Variants in CBL observed in about 807,000 individuals in gnomAD.
The protein encoded by CBL is Cbl proto-oncogene, also known as E3 ubiquitin-protein ligase CBL.
A neutral mutation model predicts 96.9 loss-of-function variants in CBL; 45 were observed. The observed-to-expected ratio is 0.46, with a 90% CI of 0.37 to 0.60. The LOEUF is 0.60. Ranked by LOEUF, CBL falls within the 20% of genes least tolerant of loss-of-function variation. CBL has a pLI of 0.00. For missense variants in CBL, 1,024 were observed against 1,143.5 expected, an observed-to-expected ratio of 0.90 and a Z score of 1.51; for synonymous variants, 420 against 426.8, an observed-to-expected ratio of 0.98 and a Z score of 0.20.
At chr11:119,264,433 CTTCTCTTCT>C (rs779410765) in intron 2 of CBL, among the ~76,000 whole-genome samples, 7,043 of 101,976 alleles carry the variant, frequency 0.069, 224 homozygotes, top group East Asian at 0.15. Flanking sequence ...CTTCTCTTCT[CTTCTCTTCT>C]TTCTCTTCTC....
At chr11:119,269,827 C>G (rs1949829616) in intron 2 of CBL, among the ~76,000 whole-genome samples, 1 of 152,036 alleles carries the variant, frequency 6.6e-6, no homozygotes, top group South Asian at 2.1e-4. Flanking sequence ...AACCCCATCT[C>G]TGCTAAAAAT....
At chr11:119,298,081 G>A (rs1296821645) in intron 14 of CBL, among the ~76,000 whole-genome samples, 1 of 152,214 alleles carries the variant, frequency 6.6e-6, no homozygotes, top group Non-Finnish European at 1.5e-5. Flanking sequence ...TTTATTGAAT[G>A]ATCTGAGATG....
chr11:119,283,093 T>G (rs1419763498), intron 9 of CBL, among the ~76,000 whole-genome samples: 1 of 152,190 alleles, frequency 6.6e-6, no homozygotes, highest in Non-Finnish European at 1.5e-5. Context: ...AGACCCTGTC[T>G]CCCATAAATA....
intron 2 of CBL, 60 bp from the exon 3 acceptor site, chr11:119,271,675 G>A: frequency 1.5e-6 from 2 of 1,358,022 alleles, no homozygotes; most frequent in Non-Finnish European, 2.1e-6. Flanking sequence ...TGGTGAATTT[G>A]GTGCATTTAA....
chr11:119,224,477 C>G (rs1043946166), intron 1 of CBL, among the ~76,000 whole-genome samples: 2 of 152,078 alleles, frequency 1.3e-5, no homozygotes, highest in African/African-American at 4.8e-5. Flanking sequence ...TACTGTTGAC[C>G]AGAAGCCTTA....
chr11:119,236,604 TATATATATATATATATATACCC>T (rs1949548553), intron 2 of CBL, among the ~76,000 whole-genome samples: 1 of 145,164 alleles, frequency 6.9e-6, no homozygotes, highest in South Asian at 2.1e-4. Flanking sequence ...AGTATATATA[TATATATATATATATATATACCC>T]ATAGGAGTGG....
rs535898292 is a variant in CBL at position 119,221,548 on chromosome 11, G to A, written c.196-10900G>A. Among the ~76,000 whole-genome samples, 8 of 151,952 alleles carry A rather than the reference G, an allele frequency of 5.3e-5. No individual in the cohort carries two copies. In the South Asian group the frequency reaches 1.5e-3, roughly 28 times the overall value. ...TTTGGGAGGCCAAGGTGGATGGATC[G>A]CGAGGTCAGGAATTCGAGACCAGCC... On this transcript the variant is annotated intron_variant, in intron 1 of 15. Transcript: ENST00000264033.
intron 2 of CBL, among the ~76,000 whole-genome samples, chr11:119,270,004 ATAAATAAATAAAG>A (rs1949831277): frequency 1.3e-5 from 2 of 152,210 alleles, no homozygotes; most frequent in African/African-American, 4.8e-5. Context: ...CTCAAAATAA[ATAAATAAATAAAG>A]TACATTTATA....
At chr11:119,281,784 A>G (rs891851104) in intron 9 of CBL, among the ~76,000 whole-genome samples, 3 of 152,142 alleles carry the variant, frequency 2.0e-5, no homozygotes, top group Non-Finnish European at 4.4e-5. Flanking sequence ...GGTGTGAGCC[A>G]CTGCACCTGG....
At chr11:119,258,052 C>T (rs1488321452) in intron 2 of CBL, among the ~76,000 whole-genome samples, 3 of 151,918 alleles carry the variant, frequency 2.0e-5, no homozygotes, top group Admixed American at 6.6e-5. Flanking sequence ...AATGGTGAAA[C>T]CCCCTGTCTA....
At chr11:119,260,400 C>T (rs573743349) in intron 2 of CBL, among the ~76,000 whole-genome samples, 2 of 151,998 alleles carry the variant, frequency 1.3e-5, no homozygotes, top group Admixed American at 6.6e-5. Context: ...CGTGCCATCA[C>T]GCCTGGCTAA....
intron 14 of CBL, 50 bp downstream of exon 14, chr11:119,297,531 G>T: frequency 1.5e-6 from 2 of 1,345,498 alleles, no homozygotes; most frequent in South Asian, 1.2e-5. Context: ...TCATAGGAAT[G>T]AACATGTAAT....
chr11:119,295,511 CAAGAGTTT>C (rs1301609685), intron 12 of CBL, among the ~76,000 whole-genome samples: 1 of 151,562 alleles, frequency 6.6e-6, no homozygotes, highest in East Asian at 1.9e-4. Context: ...CACTTGAACC[CAAGAGTTT>C]AAGACCAGCC....
chr11:119,266,628 T>TA (rs556720651), intron 2 of CBL, among the ~76,000 whole-genome samples: 42 of 147,948 alleles, frequency 2.8e-4, no homozygotes, highest in Admixed American at 1.1e-3. Context: ...AGTCTTGAAT[T>TA]AAAAAAAAAA....
rs2135320946 is a variant in CBL at position 119,298,369 on chromosome 11, T to C, written c.2263T>C (p.Leu755=). The C allele has an allele frequency of 6.2e-7, 1 of 1,614,150 alleles. No individual in the cohort carries two copies. The highest frequency in any genetic ancestry group is 8.5e-7 in the Non-Finnish European group (1 of 1,179,996). The part of the protein sequence containing the change: ...TESSTFGEGN[L]AAAHANTGPE... ...TCATTTTTCTCCAGGTGAAGGGAAT[T>C]TGGCCGCAGCCCATGCCAACACTGG... Residue 755 remains leucine, a synonymous_variant, in exon 15 of 16, where the codon TTG becomes CTG. Coordinates refer to ENST00000264033, the MANE Select transcript of CBL (RefSeq NM_005188.4).
intron 1 of CBL, among the ~76,000 whole-genome samples, chr11:119,210,441 CTTTA>C (rs201355407): frequency 7.3e-5 from 11 of 151,650 alleles, no homozygotes; most frequent in African/African-American, 2.2e-4. Flanking sequence ...TAGTAAGAGA[CTTTA>C]TTTATTTATT....
intron 2 of CBL, among the ~76,000 whole-genome samples, chr11:119,255,641 TG>T (rs1949705686): frequency 6.6e-6 from 1 of 152,144 alleles, no homozygotes; most frequent in Non-Finnish European, 1.5e-5. Context: ...AATTTTTTCA[TG>T]GTCTTTGTCT....
chr11:119,282,724 C>T (rs571503287), intron 9 of CBL, among the ~76,000 whole-genome samples: 9 of 152,190 alleles, frequency 5.9e-5, no homozygotes, highest in African/African-American at 2.2e-4. Context: ...AATGGCTAAG[C>T]TGATAGTGGT....
chr11:119,249,063 A>G (rs1207970508), intron 2 of CBL, among the ~76,000 whole-genome samples: 1 of 152,186 alleles, frequency 6.6e-6, no homozygotes, highest in African/African-American at 2.4e-5. Context: ...ACATAGAATT[A>G]CCATAGGATC....
Sources: allele counts gnomAD v4.1 joint callset (sites outside exome capture counted in the v4.1 genomes callset), GRCh38; gene constraint gnomAD v4.1.1; transcripts MANE v1.5; gene names NCBI Gene and HGNC (gene_info 2026-07-23, HGNC 2026-07-21).